Variants in SPAG17 observed in about 807,000 individuals in gnomAD.
SPAG17 encodes sperm associated antigen 17.
A neutral mutation model predicts 273.6 loss-of-function variants in SPAG17; 169 were observed. The ratio of observed to expected loss-of-function variants is 0.62; its 90% CI spans 0.55 to 0.70. The LOEUF (loss-of-function observed/expected upper bound fraction) is 0.70. SPAG17 is among the 30% of genes least tolerant of loss of function. The probability of loss-of-function intolerance (pLI) is 0.00; values close to 1 mark genes in which losing one functional copy is unlikely to be tolerated. For missense variants in SPAG17, 2,557 were observed against 2,627.8 expected (o/e 0.97, Z 0.59); for synonymous variants, 825 against 873.2 (o/e 0.94, Z 0.97).
Position 118,097,801 on chromosome 1 carries a change from T to C in SPAG17, c.880A>G (p.Thr294Ala), listed in dbSNP as rs1179796682. Residue 294 changes from threonine to alanine, a missense_variant, in exon 7 of 49, where the codon ACT becomes GCT. Thr to Ala is a moderately conservative substitution (Grantham distance 58). Coordinates refer to ENST00000336338, the MANE Select transcript of SPAG17 (RefSeq NM_206996.4). ...KKENAIKELK[T>A]FWKYLEPVLN... ...ACTGGTTCCAAGTACTTCCAGAAAG[T>C]TTTAAGCTCTTTTATGGCATTTTCT... The C allele has an allele frequency of 6.2e-7, 1 of 1,603,994 alleles. No individual in the cohort carries two copies. The highest frequency in any genetic ancestry group is 8.5e-7 in the Non-Finnish European group (1 of 1,177,112).
chr1:118,043,601 C>T (rs771686037), intron 20 of SPAG17, among the ~76,000 whole-genome samples: 2 of 152,098 alleles, frequency 1.3e-5, no homozygotes, highest in Non-Finnish European at 2.9e-5. Flanking sequence ...CATAGCACTG[C>T]CAACTTCAGT....
rs1314410234 is a variant in SPAG17, at chr1:118,115,390, G to T, written c.367C>A (p.Pro123Thr). 8 of 1,613,328 alleles carry T rather than the reference G, an allele frequency of 5.0e-6. No homozygotes were observed. The highest frequency in any genetic ancestry group is 2.7e-5 in the African/African-American group (2 of 74,848). The change falls in exon 4 of 49, where the codon CCA (proline) becomes ACA (threonine). Residue 123 changes from proline (P) to threonine (T), a missense_variant. By Grantham distance (38) the Pro-to-Thr change is conservative. Transcript: ENST00000336338. The stretch of plus-strand genomic sequence containing the variant: ...AATTTCAAGAGTTTCCCTATCAGTG[G>T]TAAGGTTAATTTCTCTCCACTATCC... ...IMDSGEKLTL[P>T]LIGKLLKFQL...
intron 3 of SPAG17, among the ~76,000 whole-genome samples, chr1:118,147,641 T>C (rs968447468): frequency 1.3e-5 from 2 of 152,228 alleles, no homozygotes; most frequent in Non-Finnish European, 2.9e-5. Context: ...GGTTTATAAA[T>C]AAAGACTTTC....
chr1:118,080,053 C>A (rs1431823593), intron 15 of SPAG17, among the ~76,000 whole-genome samples: 2 of 151,992 alleles, frequency 1.3e-5, no homozygotes, highest in Non-Finnish European at 2.9e-5. Context: ...AATGCCATAA[C>A]GAGAGTGTAG....
chr1:118,118,972 G>C (rs1657258730), intron 3 of SPAG17, among the ~76,000 whole-genome samples: 1 of 152,112 alleles, frequency 6.6e-6, no homozygotes, highest in Non-Finnish European at 1.5e-5. Context: ...CTGAGGATCA[G>C]GTCCACCTAC....
chr1:118,176,938 G>C (rs754929408), intron 1 of SPAG17, among the ~76,000 whole-genome samples: 6 of 152,026 alleles, frequency 3.9e-5, no homozygotes, highest in Non-Finnish European at 8.8e-5. Flanking sequence ...TAAACAACTT[G>C]CTTCTGAATG....
intron 46 of SPAG17, among the ~76,000 whole-genome samples, chr1:117,969,067 T>TA (rs2101479494): frequency 6.6e-6 from 1 of 152,334 alleles, no homozygotes; most frequent in African/African-American, 2.4e-5. Flanking sequence ...GATGCACTGA[T>TA]AAAGACAAAT....
intron 30 of SPAG17, among the ~76,000 whole-genome samples, chr1:118,008,485 A>C (rs1259891528): frequency 6.6e-6 from 1 of 152,176 alleles, no homozygotes; most frequent in East Asian, 1.9e-4. Flanking sequence ...TTCAACTTGA[A>C]AAATTGAAAA....
chr1:117,954,109 G>A, intron 48 of SPAG17, 60 bp from the exon 49 acceptor site: 1 of 1,605,940 alleles, frequency 6.2e-7, no homozygotes, highest in East Asian at 2.2e-5. Flanking sequence ...GGTAATAAGA[G>A]AGTACAGTAA....
rs767216369 is a variant in SPAG17 at position 117,973,484 on chromosome 1, T to C, written c.6082A>G (p.Lys2028Glu). 1.2e-6 allele frequency: 2 copies of C among 1,614,110 alleles called. No homozygotes were observed. Among genetic ancestry groups the C allele is most frequent in the Non-Finnish European group, 1.7e-6 (2 of 1,179,962 alleles). ...QDVAGQTRKE[K>E]VKLPHYLLSS... is the part of the protein sequence containing the mutation. The stretch of plus-strand genomic sequence containing the variant: ...AGCAAATAATGAGGCAACTTCACTT[T>C]TTCTTTTCTTGTTTGTCCCGCAACA... The change falls in exon 44 of 49, where the codon AAA (lysine) becomes GAA (glutamate). Residue 2028 changes from lysine (K) to glutamate (E), a missense_variant. Lys to Glu is a moderately conservative substitution (Grantham distance 56). Transcript: ENST00000336338.
At chr1:118,149,563 C>G (rs187857576) in intron 3 of SPAG17, among the ~76,000 whole-genome samples, 2 of 152,286 alleles carry the variant, frequency 1.3e-5, no homozygotes. Context: ...GCACAGATAA[C>G]TTTGGCATGA....
chr1:118,119,398 T>C (rs1054847605), intron 3 of SPAG17, among the ~76,000 whole-genome samples: 36 of 152,180 alleles, frequency 2.4e-4, no homozygotes, highest in African/African-American at 8.4e-4. Context: ...CAAGCTGTGG[T>C]TGTGTGAAGC....
At position 118,039,735 on chromosome 1, in the gene SPAG17, C is replaced by T. The variant is rs139929174; in HGVS notation, c.3167-291G>A. ...AAATAATATGCATACCAAAGCCCTG[C>T]GATACACAATTTACCTATAGAACCA... is the stretch of plus-strand genomic sequence containing the variant. On this transcript the variant is annotated intron_variant, in intron 22 of 48. Coordinates refer to ENST00000336338, the MANE Select transcript of SPAG17 (RefSeq NM_206996.4). Among the ~76,000 whole-genome samples the T allele has an allele frequency of 9.2e-5, 14 of 152,122 alleles. No individual in the cohort carries two copies. In the East Asian group the frequency reaches 2.1e-3, roughly 23 times the overall value.
At chr1:118,012,431 T>C (rs1659576812) in intron 29 of SPAG17, 59 bp from the exon 30 acceptor site, 28 of 1,555,650 alleles carry the variant, frequency 1.8e-5, no homozygotes, top group Non-Finnish European at 2.3e-5. Context: ...CAAGTGTACT[T>C]ATTTTTATCC....
chr1:118,166,545 G>A (rs1660179226), intron 1 of SPAG17, among the ~76,000 whole-genome samples: 1 of 152,118 alleles, frequency 6.6e-6, no homozygotes, highest in African/African-American at 2.4e-5. Flanking sequence ...AGGGTTCAGT[G>A]CTGGAAGATT....
At chr1:118,135,371 ATGTG>A (rs57793942) in intron 3 of SPAG17, among the ~76,000 whole-genome samples, 41,914 of 139,664 alleles carry the variant, frequency 0.3, 6,109 homozygotes, top group Non-Finnish European at 0.34. Flanking sequence ...AGCTCAAGCA[ATGTG>A]TGTGTGTGTG....
At chr1:117,972,873 C>G (rs12126576) in intron 44 of SPAG17, among the ~76,000 whole-genome samples, 11,091 of 152,012 alleles carry the variant, frequency 0.073, 591 homozygotes, top group South Asian at 0.17. Flanking sequence ...CAAGAAAGGA[C>G]CTTGGTATTT....
intron 10 of SPAG17, among the ~76,000 whole-genome samples, chr1:118,090,713 G>T (rs1655317349): frequency 1.3e-5 from 2 of 151,902 alleles, no homozygotes; most frequent in South Asian, 2.1e-4. Flanking sequence ...GCAAGGCCTT[G>T]TCTCTCCAAA....
chr1:118,064,378 C>T (rs1652710616), intron 18 of SPAG17, among the ~76,000 whole-genome samples: 1 of 151,016 alleles, frequency 6.6e-6, no homozygotes, highest in Non-Finnish European at 1.5e-5. Context: ...AAATGTGGCA[C>T]ATATACACCA....
Sources: allele counts gnomAD v4.1 joint callset (sites outside exome capture counted in the v4.1 genomes callset), GRCh38; gene constraint gnomAD v4.1.1; transcripts MANE v1.5; gene names NCBI Gene and HGNC (gene_info 2026-07-23, HGNC 2026-07-21).